The following ZNF143 variants were observed in gnomAD, a reference collection of about 807,000 sequenced individuals.
ZNF143 encodes the protein zinc finger protein 143.
A neutral mutation model predicts 74.1 loss-of-function variants in ZNF143; 49 were observed. The observed-to-expected ratio is 0.66, with a 90% CI of 0.53 to 0.84. ZNF143 has a LOEUF of 0.84. Ranked by LOEUF, ZNF143 falls within the 40% of genes least tolerant of loss-of-function variation. ZNF143 has a pLI of 0.00. For synonymous variants in ZNF143, 304 were observed against 282.8 expected (o/e 1.07, Z -0.75); for missense variants, 637 against 793.4 (o/e 0.80, Z 2.37).
chr11:9,504,679 T>TC (rs1426577686), intron 11 of ZNF143, among the ~76,000 whole-genome samples: 1 of 99,072 alleles, frequency 1.0e-5, no homozygotes, highest in Non-Finnish European at 2.6e-5. Context: ...TTTTCTTTTT[T>TC]TTTTTTTTTT....
At chr11:9,474,439 G>A (rs2133881156) in intron 4 of ZNF143, 111 bp from the exon 5 acceptor site, 1 of 1,058,154 alleles carries the variant, frequency 9.5e-7, no homozygotes, top group South Asian at 1.4e-5. Flanking sequence ...GACTCATGAA[G>A]CAAGTATAGA....
At chr11:9,485,072 C>T (rs1313382129) in intron 7 of ZNF143, among the ~76,000 whole-genome samples, 1 of 150,756 alleles carries the variant, frequency 6.6e-6, no homozygotes, top group Non-Finnish European at 1.5e-5. Flanking sequence ...GCTAGGATTA[C>T]AGGCGTGACC....
chr11:9,490,402 G>A (rs1323068004), intron 7 of ZNF143, among the ~76,000 whole-genome samples: 2 of 145,304 alleles, frequency 1.4e-5, no homozygotes, highest in Admixed American at 7.4e-5. Context: ...CAGTCCTCCT[G>A]CTTGATGACA....
intron 1 of ZNF143, among the ~76,000 whole-genome samples, chr11:9,464,592 C>CAGAA (rs1856078641): frequency 1.3e-5 from 2 of 151,572 alleles, no homozygotes; most frequent in East Asian, 3.9e-4. Flanking sequence ...CAGAACAAGA[C>CAGAA]CCTGTCTCAA....
rs1221715902 is a variant in ZNF143 at position 9,508,845 on chromosome 11, A to G, written c.1374A>G (p.Pro458=). The change falls in exon 12 of 16, where the codon CCA becomes CCG. Residue 458 remains proline, a splice_region_variant and synonymous_variant. Transcript: ENST00000396602. ...AGGAAGCCTTCTTTGAGCCGCCCCC[A>G]GGTGAGAGTTTTGTCTACTATATTT... ...EEQEAFFEPP[P]GQGEDVLKGS... is the part of the protein sequence containing the mutation. 1.9e-6 allele frequency: 3 copies of G among 1,572,268 alleles called. No homozygotes were observed.
At chr11:9,501,925 C>CTTTTTTTTTTT (rs57169874) in intron 11 of ZNF143, among the ~76,000 whole-genome samples, 3 of 37,440 alleles carry the variant, frequency 8.0e-5, no homozygotes, top group African/African-American at 1.1e-4. Context: ...TGGATATATT[C>CTTTTTTTTTTT]TTTTTTTTTT....
In ZNF143 at chr11:9,501,261, A is replaced by G; in HGVS notation, c.1138A>G (p.Ile380Val). 1 of 1,613,954 alleles carries G rather than the reference A, an allele frequency of 6.2e-7. No homozygotes were observed. Among genetic ancestry groups the G allele is most frequent in the Non-Finnish European group, 8.5e-7 (1 of 1,179,920 alleles). ...AACAAATTATAAAAACCATGTGAGG[A>G]TACACACAGGTAACAATCTCTGATC... ...SATNYKNHVR[I>V]HTGEKPYVCT... is the part of the protein sequence containing the mutation. Residue 380 changes from isoleucine to valine, a missense_variant, in exon 11 of 16, where the codon ATA (isoleucine) becomes GTA (valine). Coordinates refer to ENST00000396602, the MANE Select transcript of ZNF143 (RefSeq NM_003442.6).
At chr11:9,483,288 CTT>C (rs58704619) in intron 7 of ZNF143, among the ~76,000 whole-genome samples, 5 of 50,206 alleles carry the variant, frequency 1.0e-4, no homozygotes, top group African/African-American at 3.5e-4. Context: ...GCCAACATGC[CTT>C]TTTTTTTTTT....
chr11:9,506,159 A>G (rs954694152), intron 11 of ZNF143, among the ~76,000 whole-genome samples: 3 of 152,032 alleles, frequency 2.0e-5, no homozygotes, highest in Admixed American at 6.6e-5. Flanking sequence ...GGCGAAACCA[A>G]TTCTCTACCA....
At chr11:9,514,683 A>G (rs992241609) in intron 13 of ZNF143, among the ~76,000 whole-genome samples, 3 of 152,238 alleles carry the variant, frequency 2.0e-5, no homozygotes, top group Non-Finnish European at 4.4e-5. Flanking sequence ...TGAAGGGAAG[A>G]GCAAAGTCAT....
chr11:9,498,065 C>T (rs1414790151), intron 10 of ZNF143, among the ~76,000 whole-genome samples: 1 of 151,790 alleles, frequency 6.6e-6, no homozygotes, highest in Non-Finnish European at 1.5e-5. Context: ...CTTCTGACCT[C>T]GTGATCCGCC....
intron 14 of ZNF143, among the ~76,000 whole-genome samples, chr11:9,522,562 C>T (rs922626207): frequency 1.3e-4 from 20 of 152,286 alleles, no homozygotes; most frequent in East Asian, 9.6e-4. Flanking sequence ...GGCACGCTCT[C>T]GGCTCACTGC....
At chr11:9,469,832 G>A (rs187002494) in intron 1 of ZNF143, among the ~76,000 whole-genome samples, 6 of 152,300 alleles carry the variant, frequency 3.9e-5, no homozygotes, top group Admixed American at 3.3e-4. Flanking sequence ...CCAGGTGTGA[G>A]CCACTGCACC....
intron 1 of ZNF143, among the ~76,000 whole-genome samples, chr11:9,468,818 CAGAG>C: frequency 6.6e-6 from 1 of 152,032 alleles, no homozygotes; most frequent in Non-Finnish European, 1.5e-5. Flanking sequence ...GCCTGGGTGA[CAGAG>C]TGAGACTCGA....
chr11:9,471,603 A>T (rs1369573407), intron 2 of ZNF143, among the ~76,000 whole-genome samples, 183 bp downstream of exon 2: 1 of 150,582 alleles, frequency 6.6e-6, no homozygotes, highest in South Asian at 2.1e-4. Flanking sequence ...CCCAGGCTGG[A>T]GTGCGATGGT....
At chr11:9,505,426 C>T (rs116771326) in intron 11 of ZNF143, among the ~76,000 whole-genome samples, 4,192 of 151,856 alleles carry the variant, frequency 0.028, 178 homozygotes, top group African/African-American at 0.095. Context: ...CATGTCATCA[C>T]GCTGAGCTAA....
At chr11:9,491,637 CAAAA>C (rs879318585) in intron 7 of ZNF143, among the ~76,000 whole-genome samples, 2 of 137,736 alleles carry the variant, frequency 1.5e-5, no homozygotes, top group Non-Finnish European at 3.2e-5. Flanking sequence ...GACTCCGTCT[CAAAA>C]AAAAAAAAGA....
chr11:9,484,564 A>G (rs1441523867), intron 7 of ZNF143, among the ~76,000 whole-genome samples: 2 of 145,770 alleles, frequency 1.4e-5, no homozygotes, highest in African/African-American at 2.6e-5. Context: ...AAAGAAAGGT[A>G]TTAATTAGAT....
At chr11:9,484,885 C>T (rs1847405652) in intron 7 of ZNF143, among the ~76,000 whole-genome samples, 1 of 144,346 alleles carries the variant, frequency 6.9e-6, no homozygotes, top group Non-Finnish European at 1.5e-5. Context: ...GCAAGCTCCA[C>T]CTCCCGGGTT....
Sources: allele counts gnomAD v4.1 joint callset (sites outside exome capture counted in the v4.1 genomes callset), GRCh38; gene constraint gnomAD v4.1.1; transcripts MANE v1.5; gene names NCBI Gene and HGNC (gene_info 2026-07-23, HGNC 2026-07-21).